The following CIAO2A variants were observed in gnomAD, a reference collection of about 807,000 sequenced individuals.
The protein encoded by CIAO2A is MIP18 family protein FAM96A.
Under a neutral mutation model 22.4 loss-of-function variants are expected in CIAO2A, and 17 were observed. The observed-to-expected ratio is 0.76, with a 90% confidence interval of 0.52 to 1.14. The LOEUF is 1.14. Among genes scored for constraint, CIAO2A ranks in the 50% most tolerant of loss-of-function variants. CIAO2A has a pLI of 0.00. For missense variants in CIAO2A, 192 were observed against 191.4 expected, an observed-to-expected ratio of 1.00 and a Z score of -0.02; for synonymous variants, 74 against 72.3, an observed-to-expected ratio of 1.02 and a Z score of -0.12.
chr15:64,085,036 G>GAACCAAGAATGC (rs71133406), intron 2 of CIAO2A, among the ~76,000 whole-genome samples: 2 of 150,894 alleles, frequency 1.3e-5, no homozygotes, highest in East Asian at 3.9e-4. Context: ...AAGCTCCAGT[G>GAACCAAGAATGC]GCCACTACAC....
chr15:64,093,776 C>A lies in CIAO2A; in HGVS notation c.-8G>T. On this transcript the variant is annotated 5_prime_UTR_variant, in exon 1 of 5. Coordinates refer to ENST00000300030, the MANE Select transcript of CIAO2A (RefSeq NM_032231.7). ...CCCGGACACCCGCTGCATCTTCACG[C>A]TCAGCCATCCCTGGCGACTGTCCCA... The A allele has an allele frequency of 6.2e-7, 1 of 1,609,328 alleles. No homozygotes were observed. The highest frequency in any genetic ancestry group is 8.5e-7 in the Non-Finnish European group (1 of 1,176,184).
chr15:64,088,428 C>T (rs2080814252), intron 2 of CIAO2A, among the ~76,000 whole-genome samples: 1 of 152,172 alleles, frequency 6.6e-6, no homozygotes, highest in Non-Finnish European at 1.5e-5. Context: ...TTCCTGGCTA[C>T]CTGATTCTGT....
intron 4 of CIAO2A, chr15:64,073,736 AACCACCAC>A (rs1413210359): frequency 6.6e-6 from 1 of 152,156 alleles, no homozygotes; most frequent in East Asian, 1.9e-4. Context: ...CACAGGCATG[AACCACCAC>A]ACCTGGCTAA....
At position 64,088,695 on chromosome 15, in the gene CIAO2A, G is replaced by C. The variant is rs758082475; in HGVS notation, c.281C>G (p.Thr94Ser). 6.2e-7 allele frequency: 1 copy of C among 1,608,226 alleles called. No individual in the cohort carries two copies. The highest frequency in any genetic ancestry group is 8.5e-7 in the Non-Finnish European group (1 of 1,178,388). ...TPTVPHCSLA[T>S]LIGLCLRVKL... ...TGTACAGAAAAACTTACCAATAAGA[G>C]TCGCCAAAGAGCAATGAGGTACTGT... Residue 94 changes from threonine (T) to serine (S), a missense_variant, in exon 2 of 5, where the codon ACT (threonine) becomes AGT (serine). Coordinates refer to ENST00000300030, the MANE Select transcript of CIAO2A (RefSeq NM_032231.7).
intron 1 of CIAO2A, among the ~76,000 whole-genome samples, chr15:64,090,615 T>A (rs1201185962): frequency 2.0e-5 from 3 of 151,960 alleles, no homozygotes; most frequent in African/African-American, 7.3e-5. Flanking sequence ...TGCAGAAAAA[T>A]TCAGGCTCAT....
chr15:64,086,799 A>G (rs893627050), intron 2 of CIAO2A, among the ~76,000 whole-genome samples: 1 of 145,136 alleles, frequency 6.9e-6, no homozygotes. Context: ...TTTTTAGTAG[A>G]GATGGGGTTT....
At chr15:64,080,890 C>T (rs1053561913) in intron 3 of CIAO2A, among the ~76,000 whole-genome samples, 20 of 152,058 alleles carry the variant, frequency 1.3e-4, no homozygotes, top group African/African-American at 4.1e-4. Flanking sequence ...AAAATATATG[C>T]CTACACAAAA....
chr15:64,091,415 G>A (rs2080838741), intron 1 of CIAO2A, among the ~76,000 whole-genome samples: 1 of 151,868 alleles, frequency 6.6e-6, no homozygotes, highest in Non-Finnish European at 1.5e-5. Flanking sequence ...AACCCAGGAG[G>A]CTGAGGCTGC....
chr15:64,089,293 C>T (rs570001231), intron 1 of CIAO2A, among the ~76,000 whole-genome samples: 3 of 151,984 alleles, frequency 2.0e-5, no homozygotes, highest in African/African-American at 4.8e-5. Flanking sequence ...GAGGCAAAGG[C>T]GGGAGGATCA....
intron 1 of CIAO2A, among the ~76,000 whole-genome samples, chr15:64,091,143 T>G (rs2080836732): frequency 8.0e-6 from 1 of 124,452 alleles, no homozygotes; most frequent in Non-Finnish European, 1.9e-5. Flanking sequence ...CAAGAACAAA[T>G]TCTATTTTCT....
At chr15:64,091,440 G>A (rs2140117800) in intron 1 of CIAO2A, among the ~76,000 whole-genome samples, 1 of 149,762 alleles carries the variant, frequency 6.7e-6, no homozygotes, top group South Asian at 2.1e-4. Context: ...GGCCAAAATT[G>A]TGTCACTGCA....
intron 2 of CIAO2A, among the ~76,000 whole-genome samples, chr15:64,083,636 T>G (rs918143244): frequency 6.6e-6 from 1 of 152,130 alleles, no homozygotes; most frequent in African/African-American, 2.4e-5. Flanking sequence ...GATACACTAT[T>G]ATACAATTCT....
intron 2 of CIAO2A, among the ~76,000 whole-genome samples, chr15:64,083,851 G>A (rs1415396580): frequency 2.6e-5 from 4 of 151,938 alleles, no homozygotes; most frequent in South Asian, 4.2e-4. Flanking sequence ...GCCGAGGCAC[G>A]AGAATCGCTT....
intron 1 of CIAO2A, chr15:64,090,056 C>T (rs985231045): frequency 6.6e-6 from 1 of 152,174 alleles, no homozygotes; most frequent in Non-Finnish European, 1.5e-5. Context: ...TCAAAACAAA[C>T]AACAAGGCCG....
chr15:64,088,765 C>T lies in CIAO2A; in HGVS notation c.211G>A (p.Glu71Lys). 2 of 1,614,004 alleles carry T rather than the reference C, an allele frequency of 1.2e-6. No homozygotes were observed. The highest frequency in any genetic ancestry group is 1.3e-5 in the African/African-American group (1 of 75,024). Residue 71 changes from glutamate (E) to lysine (K), a missense_variant, in exon 2 of 5, where the codon GAG becomes AAG. Coordinates refer to ENST00000300030, the MANE Select transcript of CIAO2A (RefSeq NM_032231.7). The part of the protein sequence containing the change: ...VVSESCVEVQ[E>K]INEEEYLVII... Reference sequence around the variant, plus strand: ...ACCAGATATTCTTCTTCATTTATCTCCTGAACTTCCACACAACTTTCCGAG... The same window carrying T: ...ACCAGATATTCTTCTTCATTTATCTTCTGAACTTCCACACAACTTTCCGAG...
intron 3 of CIAO2A, among the ~76,000 whole-genome samples, 181 bp downstream of exon 3, chr15:64,080,921 A>G (rs1404676200): frequency 2.0e-5 from 3 of 152,240 alleles, no homozygotes; most frequent in Admixed American, 6.5e-5. Flanking sequence ...GAATGTTCAT[A>G]GCAGCATTAC....
chr15:64,088,613 G>C, intron 2 of CIAO2A, 74 bp downstream of exon 2: 1 of 1,217,938 alleles, frequency 8.2e-7, no homozygotes, highest in Non-Finnish European at 1.1e-6. Flanking sequence ...GATGCAAATT[G>C]TTATTATGGG....
intron 1 of CIAO2A, among the ~76,000 whole-genome samples, chr15:64,089,258 C>A (rs564335820): frequency 6.6e-6 from 1 of 152,138 alleles, no homozygotes; most frequent in African/African-American, 2.4e-5. Flanking sequence ...CATGGTGGCT[C>A]ACACCTGTAA....
At chr15:64,089,804 C>T (rs1419093476) in intron 1 of CIAO2A, among the ~76,000 whole-genome samples, 1 of 152,268 alleles carries the variant, frequency 6.6e-6, no homozygotes, top group East Asian at 1.9e-4. Context: ...TAGGACAACA[C>T]TGGCAGAACT....
Sources: gnomAD v4.1 joint callset for allele counts (sites outside exome capture counted in the v4.1 genomes callset) on GRCh38, gnomAD v4.1.1 for gene constraint, MANE v1.5 for transcripts, NCBI Gene and HGNC (gene_info 2026-07-23, HGNC 2026-07-21) for gene names.